The following UGT2B17 variants were observed in gnomAD, a reference collection of about 807,000 sequenced individuals.
UGT2B17 encodes the protein UDP-glucuronosyltransferase 2B17.
A neutral mutation model predicts 48.2 loss-of-function variants in UGT2B17; 21 were observed. That is an observed-to-expected ratio of 0.44 (90% CI 0.31 to 0.63). The LOEUF (loss-of-function observed/expected upper bound fraction) is 0.63. UGT2B17 is among the 20% of genes least tolerant of loss of function. The pLI, the probability that UGT2B17 is intolerant of heterozygous loss-of-function variation, is 0.08. For missense variants in UGT2B17, 402 were observed against 696.1 expected (o/e 0.58, Z 4.75); for synonymous variants, 146 against 238.4 (o/e 0.61, Z 3.57).
At chr4:68,537,927 T>A in intron 6 of UGT2B17, 23 bp from the exon 7 acceptor site, 2 of 1,298,368 alleles carry the variant, frequency 1.5e-6, no homozygotes, top group African/African-American at 1.5e-5. Flanking sequence ...TATAAAGATA[T>A]CAACATTAAA....
rs1299187902 is a variant in UGT2B17, at chr4:68,539,668, T to A, written c.1314-1764A>T. Among the ~76,000 whole-genome samples the A allele has an allele frequency of 2.4e-5, 3 of 124,540 alleles. 1 individual carries two copies. Among genetic ancestry groups the A allele is most frequent in the Non-Finnish European group, 5.1e-5 (3 of 59,338 alleles). 81.7% of individuals were successfully genotyped at this position (124,540 alleles called of 152,430 possible). A position where few individuals can be genotyped will look rare whatever the true frequency, so the allele number is the denominator to read the frequency against. Reference sequence around the variant, plus strand: ...ATTTTCTGGATGATTTATAATTTGATTCTAGTATGACTAGAACATACTATT... The same window carrying A: ...ATTTTCTGGATGATTTATAATTTGAATCTAGTATGACTAGAACATACTATT... On this transcript the variant is annotated intron_variant, in intron 6 of 6. Transcript: ENST00000317746.
Position 68,537,351 on chromosome 4 carries a change from G to T in UGT2B17, c.*274C>A. Reference sequence around the variant, plus strand: ...AACATAAGGAAGCTCAGTAACTTTTGTGTGGGGTAACTTTTGGATTAGAAT... The same window carrying T: ...AACATAAGGAAGCTCAGTAACTTTTTTGTGGGGTAACTTTTGGATTAGAAT... On this transcript the variant is annotated 3_prime_UTR_variant, in exon 7 of 7. Transcript: ENST00000317746. 5.0e-6 allele frequency: 1 copy of T among 199,640 alleles called. No homozygotes were observed. The highest frequency in any genetic ancestry group is 8.7e-6 in the Non-Finnish European group (1 of 115,042). The allele number at this position is 199,640 out of a possible 1,614,324, so 12.4% of individuals were successfully genotyped here.
chr4:68,538,307 C>T (rs1730591597), intron 6 of UGT2B17, among the ~76,000 whole-genome samples: 1 of 124,720 alleles, frequency 8.0e-6, no homozygotes, highest in African/African-American at 2.8e-5. Context: ...ATGATCATGG[C>T]TCAGTGCAGC....
chr4:68,541,012 G>A (rs1730644869), intron 6 of UGT2B17, among the ~76,000 whole-genome samples: 1 of 125,446 alleles, frequency 8.0e-6, no homozygotes, highest in Non-Finnish European at 1.7e-5. Flanking sequence ...CCGCCATACT[G>A]TACATGCATC....
intron 1 of UGT2B17, among the ~76,000 whole-genome samples, chr4:68,571,062 C>A (rs1375229726): frequency 1.6e-5 from 2 of 125,592 alleles, no homozygotes; most frequent in Non-Finnish European, 3.4e-5. Flanking sequence ...AAGGCTTGAC[C>A]GGTTTTATTA....
intron 6 of UGT2B17, among the ~76,000 whole-genome samples, chr4:68,546,164 C>T (rs1730800567): frequency 1.6e-5 from 2 of 125,612 alleles, no homozygotes. Context: ...AACATCGATG[C>T]AAAAATCCTC....
At chr4:68,564,848 C>T (rs1173442937) in intron 3 of UGT2B17, among the ~76,000 whole-genome samples, 1 of 124,990 alleles carries the variant, frequency 8.0e-6, no homozygotes, top group Admixed American at 8.2e-5. Context: ...TATGAGACTA[C>T]AGGCACACAC....
chr4:68,537,950 G>C (rs1422691798), intron 6 of UGT2B17, 46 bp from the exon 7 acceptor site: 1 of 1,237,420 alleles, frequency 8.1e-7, no homozygotes, highest in African/African-American at 1.5e-5. Flanking sequence ...TAAATTTATT[G>C]CTTAAGCATA....
Position 68,550,764 on chromosome 4 carries a change from G to A in UGT2B17, c.1226C>T (p.Ala409Val). 7.2e-7 allele frequency: 1 copy of A among 1,387,410 alleles called. No homozygotes were observed. The highest frequency in any genetic ancestry group is 8.3e-5 in the East Asian group (1 of 12,086). 85.9% of individuals were successfully genotyped at this position (1,387,410 alleles called of 1,614,324 possible). A position where few individuals can be genotyped will look rare whatever the true frequency, so the allele number is the denominator to read the frequency against. Residue 409 changes from alanine to valine, a missense_variant, in exon 6 of 7, where the codon GCC becomes GTC. Transcript: ENST00000317746. Reference protein sequence around the residue: ...DQHDNIAHMKAKGAALSVDIR... With the variant: ...DQHDNIAHMKVKGAALSVDIR... The stretch of plus-strand genomic sequence containing the variant: ...GTCCACACTGAGGGCTGCTCCCTTG[G>A]CTTTCATGTGAGCAATGTTATCATG...
Position 68,537,213 on chromosome 4 carries a change from T to C in UGT2B17, c.*412A>G, listed in dbSNP as rs1730568960. On this transcript the variant is annotated 3_prime_UTR_variant, in exon 7 of 7. Coordinates refer to ENST00000317746, the MANE Select transcript of UGT2B17 (RefSeq NM_001077.4). ...ATTATTGAAGATTTCATTGGCAAAA[T>C]TAAAAACAAAAATTCTGCTCAAAAT... 2 of 127,954 alleles carry C rather than the reference T, an allele frequency of 1.6e-5. 1 individual carries two copies. Among genetic ancestry groups the C allele is most frequent in the South Asian group, 7.1e-4 (2 of 2,806 alleles). The allele number at this position is 127,954 out of a possible 1,614,324, so 7.9% of individuals were successfully genotyped here. A position where few individuals can be genotyped will look rare whatever the true frequency, so the allele number is the denominator to read the frequency against.
Position 68,541,833 on chromosome 4 carries a change from G to A in UGT2B17, c.1314-3929C>T, listed in dbSNP as rs1265722220. ...AGTTAATTTTTGTATAAGGTGTAAGGCAGGGGTATAGTTTCTGTTTTTTGC... is the reference window on the plus strand; with the variant it reads ...AGTTAATTTTTGTATAAGGTGTAAGACAGGGGTATAGTTTCTGTTTTTTGC... On this transcript the variant is annotated intron_variant, in intron 6 of 6. Coordinates refer to ENST00000317746, the MANE Select transcript of UGT2B17 (RefSeq NM_001077.4). Among the ~76,000 whole-genome samples the A allele has an allele frequency of 1.6e-5, 2 of 126,440 alleles. 1 individual carries two copies. The highest frequency in any genetic ancestry group is 3.3e-5 in the Non-Finnish European group (2 of 59,710). 82.9% of individuals were successfully genotyped at this position (126,440 alleles called of 152,430 possible).
chr4:68,556,330 C>G lies in UGT2B17; in HGVS notation c.1005+4207G>C, dbSNP rs185407600. Among the ~76,000 whole-genome samples the G allele has an allele frequency of 3.5e-3, 432 of 122,492 alleles. 86 individuals are homozygous for G. The highest frequency in any genetic ancestry group is 0.012 in the African/African-American group (417 of 36,070). The allele number at this position is 122,492 out of a possible 152,430, so 80.4% of individuals were successfully genotyped here. ...CTCACTGTTTTTGGTTTTCTCTCCC[C>G]TTTTAAAGGGTGTGAAATAGTAACA... On this transcript the variant is annotated intron_variant, in intron 4 of 6. Transcript: ENST00000317746.
rs1383522284 is a variant in UGT2B17, at chr4:68,541,423, G to A, written c.1314-3519C>T. Among the ~76,000 whole-genome samples, 2 of 126,346 alleles carry A rather than the reference G, an allele frequency of 1.6e-5. 1 individual carries two copies. The highest frequency in any genetic ancestry group is 3.4e-5 in the Non-Finnish European group (2 of 59,560). The allele number at this position is 126,346 out of a possible 152,430, so 82.9% of individuals were successfully genotyped here. A position where few individuals can be genotyped will look rare whatever the true frequency, so the allele number is the denominator to read the frequency against. ...GTGATATTGAGCTTTTCTCATAAGT[G>A]TGTTGGCTGCATAAATGTATTTTTT... On this transcript the variant is annotated intron_variant, in intron 6 of 6. Coordinates refer to ENST00000317746, the MANE Select transcript of UGT2B17 (RefSeq NM_001077.4).
In UGT2B17 at chr4:68,562,230, C is replaced by T. The variant is rs1731117114; in HGVS notation, c.874-1562G>A. ...TCCCAGGTTCAAGCAATTCTCCTGC[C>T]TCAGCCTCCTGAGTAGCTGGGATTA... On this transcript the variant is annotated intron_variant, in intron 3 of 6. Transcript: ENST00000317746. Among the ~76,000 whole-genome samples the T allele has an allele frequency of 4.8e-5, 6 of 124,422 alleles. 3 individuals carry two copies. The highest frequency in any genetic ancestry group is 6.8e-5 in the Non-Finnish European group (4 of 59,184). 81.6% of individuals were successfully genotyped at this position (124,422 alleles called of 152,430 possible). A position where few individuals can be genotyped will look rare whatever the true frequency, so the allele number is the denominator to read the frequency against.
chr4:68,540,624 C>T (rs754754450), intron 6 of UGT2B17, among the ~76,000 whole-genome samples: 2 of 126,696 alleles, frequency 1.6e-5, no homozygotes, highest in African/African-American at 2.7e-5. Context: ...CACATCTGGT[C>T]GGTTCACATT....
chr4:68,544,350 A>C lies in UGT2B17; in HGVS notation c.1313+6327T>G, dbSNP rs149421267. On this transcript the variant is annotated intron_variant, in intron 6 of 6. Coordinates refer to ENST00000317746, the MANE Select transcript of UGT2B17 (RefSeq NM_001077.4). ...CCAAACTAAGCTTCATAAGTGAAGGAGAAATAAAATAAAATCTCTAAGCAT... is the reference window on the plus strand; with the variant it reads ...CCAAACTAAGCTTCATAAGTGAAGGCGAAATAAAATAAAATCTCTAAGCAT... 8.5e-3 allele frequency among the ~76,000 whole-genome samples: 1,072 copies of C among 125,884 alleles called. 252 individuals are homozygous for C. Among genetic ancestry groups the C allele is most frequent in the Admixed American group, 0.014 (168 of 12,310 alleles). The allele number at this position is 125,884 out of a possible 152,430, so 82.6% of individuals were successfully genotyped here. A position where few individuals can be genotyped will look rare whatever the true frequency, so the allele number is the denominator to read the frequency against.
In UGT2B17 at chr4:68,575,770, G is replaced by A. The variant is rs180746569; in HGVS notation, c.-65+181C>T. ...TCAAAAGTGCCAATACAGGCACACC[G>A]TGGGTGATCAGGCTATGCTACACTT... On this transcript the variant is annotated intron_variant, in intron 1 of 6. Transcript: ENST00000317746. 1.8e-3 allele frequency among the ~76,000 whole-genome samples: 233 copies of A among 126,382 alleles called. 53 individuals are homozygous for A. Among genetic ancestry groups the A allele is most frequent in the Non-Finnish European group, 3.1e-3 (187 of 59,576 alleles). 82.9% of individuals were successfully genotyped at this position (126,382 alleles called of 152,430 possible). A position where few individuals can be genotyped will look rare whatever the true frequency, so the allele number is the denominator to read the frequency against.
At chr4:68,559,335 G>A (rs1731060924) in intron 4 of UGT2B17, among the ~76,000 whole-genome samples, 1 of 125,794 alleles carries the variant, frequency 7.9e-6, no homozygotes, top group African/African-American at 2.7e-5. Context: ...GGAAAAAGGA[G>A]CCCATTGACA....
intron 6 of UGT2B17, among the ~76,000 whole-genome samples, chr4:68,539,677 G>T (rs1730618485): frequency 8.2e-6 from 1 of 122,290 alleles, no homozygotes; most frequent in Non-Finnish European, 1.7e-5. Flanking sequence ...ATTCTAGTAT[G>T]ACTAGAACAT....
Sources: gnomAD v4.1 joint callset for allele counts (sites outside exome capture counted in the v4.1 genomes callset) on GRCh38, gnomAD v4.1.1 for gene constraint, MANE v1.5 for transcripts, NCBI Gene and HGNC (gene_info 2026-07-23, HGNC 2026-07-21) for gene names.